The following ATG10 variants were observed in gnomAD, a reference collection of about 807,000 sequenced individuals.
ATG10 encodes the protein ubiquitin-like-conjugating enzyme ATG10.
A neutral mutation model predicts 32.1 loss-of-function variants in ATG10; 30 were observed. That is an observed-to-expected ratio of 0.94 (90% CI 0.70 to 1.27). The LOEUF is 1.27. Ranked by LOEUF, ATG10 falls within the 50% of genes most tolerant of loss-of-function variation. The probability of loss-of-function intolerance (pLI) is 0.00; values close to 1 mark genes in which losing one functional copy is unlikely to be tolerated. For synonymous variants in ATG10, 87 were observed against 91.5 expected (o/e 0.95, Z 0.28); for missense variants, 233 against 262.3 (o/e 0.89, Z 0.77).
intron 2 of ATG10, among the ~76,000 whole-genome samples, chr5:82,042,688 C>T (rs1763123092): frequency 6.6e-6 from 1 of 152,042 alleles, no homozygotes; most frequent in Non-Finnish European, 1.5e-5. Context: ...AGACATTGGC[C>T]AAAACAAAGG....
At chr5:82,099,592 G>A (rs1765190286) in intron 3 of ATG10, among the ~76,000 whole-genome samples, 1 of 152,068 alleles carries the variant, frequency 6.6e-6, no homozygotes, top group African/African-American at 2.4e-5. Flanking sequence ...TCAGAAAATA[G>A]TTACATAGCT....
At chr5:82,106,233 A>C (rs560220819) in intron 3 of ATG10, among the ~76,000 whole-genome samples, 11 of 152,298 alleles carry the variant, frequency 7.2e-5, no homozygotes, top group African/African-American at 2.4e-4. Context: ...ATGGCATTGA[A>C]ATGGTGTATA....
chr5:81,998,312 A>G (rs1293033849), intron 2 of ATG10, among the ~76,000 whole-genome samples: 1 of 152,226 alleles, frequency 6.6e-6, no homozygotes, highest in African/African-American at 2.4e-5. Flanking sequence ...AAGGAGAAAT[A>G]AGATCCTTTC....
intron 3 of ATG10, among the ~76,000 whole-genome samples, chr5:82,103,279 G>T (rs1477999247): frequency 6.6e-6 from 1 of 152,110 alleles, no homozygotes; most frequent in Non-Finnish European, 1.5e-5. Flanking sequence ...TATTTGTAAA[G>T]CTTTTATGAC....
chr5:81,996,497 C>T (rs1316098651), intron 2 of ATG10, among the ~76,000 whole-genome samples: 1 of 152,218 alleles, frequency 6.6e-6, no homozygotes, highest in East Asian at 1.9e-4. Context: ...ACCTTGGCTT[C>T]CCAAAGTGCT....
chr5:81,982,588 T>A (rs1761085768), intron 1 of ATG10, among the ~76,000 whole-genome samples: 1 of 151,996 alleles, frequency 6.6e-6, no homozygotes, highest in Non-Finnish European at 1.5e-5. Flanking sequence ...TTTTTATTGA[T>A]CATTCTTGGG....
At chr5:82,131,729 G>A (rs1766545413) in intron 3 of ATG10, among the ~76,000 whole-genome samples, 1 of 151,596 alleles carries the variant, frequency 6.6e-6, no homozygotes, top group African/African-American at 2.4e-5. Flanking sequence ...AGTAATATCT[G>A]GGAAGAATAA....
intron 2 of ATG10, among the ~76,000 whole-genome samples, chr5:81,999,201 C>T (rs1295512537): frequency 6.8e-6 from 1 of 147,410 alleles, no homozygotes; most frequent in East Asian, 2.0e-4. Flanking sequence ...TCTTAGACTA[C>T]AGCATAATAA....
chr5:81,999,597 T>C (rs1460451515), intron 2 of ATG10, among the ~76,000 whole-genome samples: 1 of 152,070 alleles, frequency 6.6e-6, no homozygotes, highest in Non-Finnish European at 1.5e-5. Flanking sequence ...ATCTAAGAAT[T>C]GGTTTTTTGA....
At position 82,253,300 on chromosome 5, in the gene ATG10, C is replaced by G. The variant is rs1747335113; in HGVS notation, c.552-14C>G. 6.4e-7 allele frequency: 1 copy of G among 1,563,568 alleles called. No homozygotes were observed. Among genetic ancestry groups the G allele is most frequent in the African/African-American group, 1.4e-5 (1 of 74,016 alleles). On this transcript the variant is annotated splice_polypyrimidine_tract_variant and intron_variant, in intron 6 of 7. Coordinates refer to ENST00000282185, the MANE Select transcript of ATG10 (RefSeq NM_031482.5). ...GGAAACGTTAGCATGGCCTGTATTTCACTTGTTTCCTAGGAATGTCAACTA... is the reference window on the plus strand; with the variant it reads ...GGAAACGTTAGCATGGCCTGTATTTGACTTGTTTCCTAGGAATGTCAACTA...
chr5:82,175,799 C>T (rs1162046029), intron 4 of ATG10, among the ~76,000 whole-genome samples: 1 of 152,008 alleles, frequency 6.6e-6, no homozygotes, highest in African/African-American at 2.4e-5. Flanking sequence ...CTTTACTTTT[C>T]GTTTTCACCA....
chr5:82,041,122 T>C (rs994466725), intron 2 of ATG10, among the ~76,000 whole-genome samples: 3 of 152,236 alleles, frequency 2.0e-5, no homozygotes, highest in African/African-American at 7.2e-5. Context: ...CATAATATTA[T>C]ATAACTTCAA....
At position 82,195,188 on chromosome 5, in the gene ATG10, G is replaced by A. The variant is rs984097632; in HGVS notation, c.453+16601G>A. Among the ~76,000 whole-genome samples the A allele has an allele frequency of 2.6e-5, 4 of 152,106 alleles. No individual in the cohort carries two copies. The East Asian group carries it at 7.7e-4, about 29-fold the overall frequency. ...CCTGAGCTCTCTCTTGCCAACATTT[G>A]CTTTGATATTGGTTCCCTATGTTAC... is the stretch of plus-strand genomic sequence containing the variant. On this transcript the variant is annotated intron_variant, in intron 5 of 7. Transcript: ENST00000282185.
At chr5:82,023,390 T>G (rs996060036) in intron 2 of ATG10, among the ~76,000 whole-genome samples, 2 of 152,224 alleles carry the variant, frequency 1.3e-5, no homozygotes, top group Non-Finnish European at 2.9e-5. Flanking sequence ...CAGATTTATA[T>G]AGTAATTGTC....
rs531673501 is a variant in ATG10 at position 82,033,339 on chromosome 5, CTTTTTTT to C, written c.109-25147_109-25141del. Among the ~76,000 whole-genome samples, 47 of 138,480 alleles carry C rather than the reference CTTTTTTT, an allele frequency of 3.4e-4. No homozygotes were observed. In the South Asian group the frequency reaches 0.01, roughly 31 times the overall value. 90.8% of individuals were successfully genotyped at this position (138,480 alleles called of 152,430 possible). ...CAATTATTGCTCCTTTCTTCTTCTT[CTTTTTTT>C]TTTTTTTTGAGTCAGAGTTTTGCTC... On this transcript the variant is annotated intron_variant, in intron 2 of 7. Coordinates refer to ENST00000282185, the MANE Select transcript of ATG10 (RefSeq NM_031482.5).
At chr5:82,004,279 ACCTGAG>A (rs1761929831) in intron 2 of ATG10, among the ~76,000 whole-genome samples, 1 of 152,224 alleles carries the variant, frequency 6.6e-6, no homozygotes, top group Admixed American at 6.5e-5. Context: ...AGCTATTACT[ACCTGAG>A]CCTAGTGATC....
intron 3 of ATG10, among the ~76,000 whole-genome samples, chr5:82,136,608 T>C (rs562332534): frequency 5.6e-4 from 86 of 152,374 alleles, no homozygotes; most frequent in Admixed American, 1.5e-3. Context: ...GTTAGTCTGA[T>C]GGGCTTCCCT....
At chr5:82,168,531 G>A (rs1418690603) in intron 4 of ATG10, among the ~76,000 whole-genome samples, 1 of 152,138 alleles carries the variant, frequency 6.6e-6, no homozygotes, top group Admixed American at 6.6e-5. Flanking sequence ...GAATAGAGGA[G>A]GAATCTTTTC....
chr5:82,157,236 AC>A (rs1335018482), intron 3 of ATG10, among the ~76,000 whole-genome samples: 1 of 151,014 alleles, frequency 6.6e-6, no homozygotes, highest in African/African-American at 2.4e-5. Context: ...GCACCTTTTT[AC>A]CCCCTTTTAA....
Sources: gnomAD v4.1 joint callset for allele counts (sites outside exome capture counted in the v4.1 genomes callset) on GRCh38, gnomAD v4.1.1 for gene constraint, MANE v1.5 for transcripts, NCBI Gene and HGNC (gene_info 2026-07-23, HGNC 2026-07-21) for gene names.